Variants in SIPA1L1 observed in about 807,000 individuals in gnomAD.
SIPA1L1 encodes the protein signal induced proliferation associated 1 like 1, also known as signal-induced proliferation-associated 1-like protein 1.
In SIPA1L1, 26 loss-of-function variants were observed where a neutral mutation model predicts 162.7. The observed-to-expected ratio is 0.16, with a 90% CI of 0.12 to 0.22. SIPA1L1 has a LOEUF of 0.22. Ranked by LOEUF, SIPA1L1 falls within the 10% of genes least tolerant of loss-of-function variation. The probability of loss-of-function intolerance (pLI) is 1.00; values close to 1 mark genes in which losing one functional copy is unlikely to be tolerated. For synonymous variants in SIPA1L1, 829 were observed against 837.4 expected, an observed-to-expected ratio of 0.99 and a Z score of 0.17; for missense variants, 1,874 against 2,241.0, an observed-to-expected ratio of 0.84 and a Z score of 3.31.
Position 71,709,500 on chromosome 14 carries a change from A to G in SIPA1L1, c.4044A>G (p.Val1348=). 1.2e-6 allele frequency: 2 copies of G among 1,614,210 alleles called. No homozygotes were observed. The highest frequency in any genetic ancestry group is 1.3e-5 in the African/African-American group (1 of 75,054). ...CCCTATGGCACAGCTCCAGTGAAGTAATCTCCATGGCAGATCGGACTTTGG... is the reference window on the plus strand; with the variant it reads ...CCCTATGGCACAGCTCCAGTGAAGTGATCTCCATGGCAGATCGGACTTTGG... The part of the protein sequence containing the change: ...VAPLWHSSSE[V]ISMADRTLET... The change falls in exon 17 of 24, where the codon GTA becomes GTG. Residue 1348 remains valine, a synonymous_variant. Coordinates refer to ENST00000381232, the MANE Select transcript of SIPA1L1 (RefSeq NM_001386936.1).
chr14:71,485,237 G>C (rs2048654846), intron 2 of SIPA1L1, among the ~76,000 whole-genome samples: 1 of 152,234 alleles, frequency 6.6e-6, no homozygotes, highest in Non-Finnish European at 1.5e-5. Flanking sequence ...ATGAAATCCT[G>C]TGATGATGGG....
Position 71,735,107 on chromosome 14 carries a change from T to C in SIPA1L1, c.5009-170T>C, listed in dbSNP as rs138171803. The stretch of plus-strand genomic sequence containing the variant: ...AAATTACATGGCTACAATCCTCTTA[T>C]AGCTAAAACAGTCATATTTTTCCCT... On this transcript the variant is annotated intron_variant, in intron 21 of 23. Transcript: ENST00000381232. 9.2e-5 allele frequency among the ~76,000 whole-genome samples: 14 copies of C among 152,290 alleles called. No homozygotes were observed. The East Asian group carries it at 1.7e-3, about 19-fold the overall frequency.
At chr14:71,474,987 C>A (rs1269830260) in intron 2 of SIPA1L1, among the ~76,000 whole-genome samples, 1 of 152,106 alleles carries the variant, frequency 6.6e-6, no homozygotes, top group Non-Finnish European at 1.5e-5. Flanking sequence ...TGTAGAATGT[C>A]TTTGCTGGCC....
intron 5 of SIPA1L1, among the ~76,000 whole-genome samples, chr14:71,616,758 G>A (rs537226015): frequency 2.2e-4 from 33 of 152,314 alleles, no homozygotes; most frequent in Middle Eastern, 3.4e-3. Context: ...GTGGTTACCA[G>A]AGAATAGAGC....
chr14:71,637,110 A>G (rs1223880796), intron 7 of SIPA1L1, among the ~76,000 whole-genome samples: 1 of 140,346 alleles, frequency 7.1e-6, no homozygotes, highest in East Asian at 2.2e-4. Context: ...TTTTTTTTTC[A>G]TAAAACCCAG....
chr14:71,663,911 G>A (rs953003428), intron 10 of SIPA1L1, among the ~76,000 whole-genome samples: 2 of 152,158 alleles, frequency 1.3e-5, no homozygotes, highest in South Asian at 4.1e-4. Context: ...ACATTAGTTT[G>A]TAACATCACT....
chr14:71,710,294 G>T (rs1414721090), intron 17 of SIPA1L1, among the ~76,000 whole-genome samples: 1 of 152,202 alleles, frequency 6.6e-6, no homozygotes, highest in Non-Finnish European at 1.5e-5. Flanking sequence ...CACACCTCTA[G>T]ATAAAATAAA....
intron 20 of SIPA1L1, among the ~76,000 whole-genome samples, chr14:71,730,515 C>T (rs1415849442): frequency 1.3e-5 from 2 of 152,188 alleles, no homozygotes; most frequent in Non-Finnish European, 2.9e-5. Flanking sequence ...GATTCCCACA[C>T]TGGACCCAAG....
chr14:71,342,011 C>CT (rs889485692), intron 2 of SIPA1L1, among the ~76,000 whole-genome samples: 41 of 150,858 alleles, frequency 2.7e-4, no homozygotes, highest in African/African-American at 9.0e-4. Flanking sequence ...CTCTTCTCTT[C>CT]TTTTTTTTTG....
intron 4 of SIPA1L1, among the ~76,000 whole-genome samples, chr14:71,546,897 C>T (rs2055266832): frequency 6.6e-6 from 1 of 152,102 alleles, no homozygotes; most frequent in Non-Finnish European, 1.5e-5. Context: ...TTGATTGTAC[C>T]ACTTATTTTT....
rs184702868 is a variant in SIPA1L1, at chr14:71,609,046, C to T, written c.1499-9711C>T. On this transcript the variant is annotated intron_variant, in intron 5 of 23. Coordinates refer to ENST00000381232, the MANE Select transcript of SIPA1L1 (RefSeq NM_001386936.1). ...CCATCAGTCTTAATACATGCATACT[C>T]CTTTTTAAAATAAATAAGGAGTCTT... Among the ~76,000 whole-genome samples, 250 of 152,174 alleles carry T rather than the reference C, an allele frequency of 1.6e-3. 1 individual carries two copies. The highest frequency in any genetic ancestry group is 5.6e-3 in the African/African-American group (233 of 41,514).
chr14:71,320,703 T>A (rs1488109566), intron 1 of SIPA1L1, among the ~76,000 whole-genome samples, 200 bp downstream of exon 1: 2 of 91,212 alleles, frequency 2.2e-5, no homozygotes, highest in African/African-American at 4.1e-5. Context: ...CACCTCCTCA[T>A]CCCCCCCCCG....
chr14:71,604,215 T>G (rs561932497), intron 5 of SIPA1L1, among the ~76,000 whole-genome samples: 4 of 151,894 alleles, frequency 2.6e-5, no homozygotes, highest in Non-Finnish European at 5.9e-5. Flanking sequence ...CCCTGGCTGG[T>G]CTTGAACTCC....
At chr14:71,686,508 A>G (rs1425293498) in intron 13 of SIPA1L1, among the ~76,000 whole-genome samples, 4 of 152,222 alleles carry the variant, frequency 2.6e-5, no homozygotes, top group Non-Finnish European at 5.9e-5. Flanking sequence ...ATAATCTGCT[A>G]GTGGTCTGCT....
chr14:71,662,959 A>G (rs749737594), intron 10 of SIPA1L1, among the ~76,000 whole-genome samples: 2 of 152,232 alleles, frequency 1.3e-5, no homozygotes, highest in Non-Finnish European at 2.9e-5. Flanking sequence ...ACAGGTAGAA[A>G]GTTAAGCCCA....
rs1233484649 is a variant in SIPA1L1, at chr14:71,596,707, AATGGGAAG to A, written c.1498+7338_1498+7345del. ...GCCTCCAATTAGTGCAGTTAAGATG[AATGGGAAG>A]CTATTAAACAGACGTTTTTTAAAAA... is the stretch of plus-strand genomic sequence containing the variant. On this transcript the variant is annotated intron_variant, in intron 5 of 23. Coordinates refer to ENST00000381232, the MANE Select transcript of SIPA1L1 (RefSeq NM_001386936.1). Among the ~76,000 whole-genome samples the A allele has an allele frequency of 2.8e-4, 43 of 152,294 alleles. 1 individual carries two copies. Among genetic ancestry groups the A allele is most frequent in the African/African-American group, 9.6e-4 (40 of 41,568 alleles).
chr14:71,558,172 T>C (rs2190240), intron 4 of SIPA1L1, among the ~76,000 whole-genome samples: 127,285 of 152,136 alleles, frequency 0.84, 53,873 homozygotes, highest in African/African-American at 0.95. Context: ...ATTTTCAGCA[T>C]GTAGAATGAT....
intron 17 of SIPA1L1, among the ~76,000 whole-genome samples, chr14:71,719,306 A>G (rs2083507209): frequency 6.6e-6 from 1 of 152,160 alleles, no homozygotes; most frequent in Non-Finnish European, 1.5e-5. Flanking sequence ...GTTTCTGGGA[A>G]TGCAATATCC....
intron 23 of SIPA1L1, 43 bp downstream of exon 23, chr14:71,738,368 C>T: frequency 7.3e-7 from 1 of 1,369,682 alleles, no homozygotes; most frequent in Non-Finnish European, 1.0e-6. Flanking sequence ...TCTGTACAAA[C>T]TACCCTTGAA....
Sources: gnomAD v4.1 joint callset for allele counts (sites outside exome capture counted in the v4.1 genomes callset) on GRCh38, gnomAD v4.1.1 for gene constraint, MANE v1.5 for transcripts, NCBI Gene and HGNC (gene_info 2026-07-23, HGNC 2026-07-21) for gene names.